Variants in SYNPO observed in about 807,000 individuals in gnomAD.
SYNPO encodes the protein synaptopodin.
A neutral mutation model predicts 49.5 loss-of-function variants in SYNPO; 19 were observed. The observed-to-expected ratio is 0.38, with a 90% CI of 0.27 to 0.56. The LOEUF (loss-of-function observed/expected upper bound fraction) is 0.56, where lower values mean the gene tolerates loss of function less well. Among genes scored for constraint, SYNPO ranks in the 20% least tolerant of loss-of-function variants. SYNPO has a pLI of 0.68. For synonymous variants in SYNPO, 536 were observed against 548.0 expected, an observed-to-expected ratio of 0.98 and a Z score of 0.31; for missense variants, 1,131 against 1,248.3, an observed-to-expected ratio of 0.91 and a Z score of 1.42.
Position 150,643,882 on chromosome 5 carries a change from A to G in SYNPO, c.-333+3028A>G, listed in dbSNP as rs1056646826. ...CTGGGGAGGCAGAACCACATCAAGA[A>G]AGCGGATGATGGCTGGACGTGGTGG... On this transcript the variant is annotated intron_variant, in intron 1 of 2. Coordinates refer to ENST00000307662, the MANE Select transcript of SYNPO (RefSeq NM_007286.6). Among the ~76,000 whole-genome samples the G allele has an allele frequency of 5.3e-5, 8 of 151,964 alleles. No individual in the cohort carries two copies. The East Asian group carries it at 1.4e-3, about 26-fold the overall frequency.
chr5:150,651,122 A>T (rs540141396), intron 2 of SYNPO: 2 of 1,076,092 alleles, frequency 1.9e-6, no homozygotes, highest in South Asian at 9.1e-5. Context: ...CCCCAGGAGA[A>T]GGAGAGCCCT....
At chr5:150,653,858 A>C (rs1247852989) in intron 2 of SYNPO, 1 of 152,064 alleles carries the variant, frequency 6.6e-6, no homozygotes, top group African/African-American at 2.4e-5. Flanking sequence ...GTCCCTAGGG[A>C]GTCTCTAAGG....
upstream of SYNPO, among the ~76,000 whole-genome samples, chr5:150,598,191 T>C (rs977561017): frequency 3.9e-5 from 6 of 151,992 alleles, no homozygotes; most frequent in African/African-American, 7.3e-5. Context: ...TCTGAGAGTT[T>C]AACCAGGACC....
intron 1 of SYNPO, chr5:150,614,867 C>A (rs1284533833): frequency 6.6e-6 from 1 of 152,244 alleles, no homozygotes. Flanking sequence ...CTGTGGGGGT[C>A]CCTGGAGTCT....
intron 1 of SYNPO, among the ~76,000 whole-genome samples, chr5:150,602,810 G>T (rs1756579698): frequency 1.3e-5 from 2 of 151,996 alleles, no homozygotes; most frequent in African/African-American, 4.8e-5. Context: ...CAGCGCGCTG[G>T]GATTACAGAC....
chr5:150,590,565 A>G, the SYNPO span, among the ~76,000 whole-genome samples: 5 of 152,294 alleles, frequency 3.3e-5, no homozygotes, highest in Middle Eastern at 3.4e-3. Context: ...ACGTCCTAGA[A>G]GTCTTTTGGG....
rs138481674 is a variant in SYNPO at position 150,643,206 on chromosome 5, G to A, written c.-333+2352G>A. The stretch of plus-strand genomic sequence containing the variant: ...GGAGCCTGGTGCTCTCTGCAGTAAC[G>A]TAGAGCCAGGTGTGAACAGAGCTCT... On this transcript the variant is annotated intron_variant, in intron 1 of 2. Coordinates refer to ENST00000307662, the MANE Select transcript of SYNPO (RefSeq NM_007286.6). Among the ~76,000 whole-genome samples the A allele has an allele frequency of 4.5e-3, 691 of 152,296 alleles. 5 individuals carry two copies. Among genetic ancestry groups the A allele is most frequent in the African/African-American group, 0.016 (655 of 41,566 alleles).
At chr5:150,593,723 G>T in the SYNPO span, among the ~76,000 whole-genome samples, 2 of 152,240 alleles carry the variant, frequency 1.3e-5, no homozygotes. Context: ...GCCTCCCAAA[G>T]TTCTGGGATT....
At chr5:150,589,281 C>G in the SYNPO span, among the ~76,000 whole-genome samples, 1 of 152,150 alleles carries the variant, frequency 6.6e-6, no homozygotes. Flanking sequence ...CCAGGCTGGT[C>G]TTGAACTCCT....
At chr5:150,591,793 A>G in the SYNPO span, among the ~76,000 whole-genome samples, 1 of 152,208 alleles carries the variant, frequency 6.6e-6, no homozygotes, top group African/African-American at 2.4e-5. Flanking sequence ...TCTCTCTGAT[A>G]AAAAGGAAGA....
chr5:150,618,285 G>A lies in SYNPO; in HGVS notation c.-83G>A, dbSNP rs1757036830. 8.3e-6 allele frequency: 12 copies of A among 1,446,090 alleles called. No homozygotes were observed. The South Asian group carries it at 1.7e-4, about 21-fold the overall frequency. 89.6% of individuals were successfully genotyped at this position (1,446,090 alleles called of 1,614,324 possible). ...GAGGCTGTGTAAGGAGCAGAGACCA[G>A]GGCTCACACAGCTGGCCCCAGCCCA... On this transcript the variant is annotated 5_prime_UTR_variant, in exon 2 of 3. Coordinates refer to the SYNPO transcript ENST00000394243.
rs569181887 is a variant in SYNPO at position 150,657,295 on chromosome 5, C to G, written c.*208C>G. On this transcript the variant is annotated 3_prime_UTR_variant, in exon 3 of 3. Transcript: ENST00000307662. ...CTGTTGTGTGACCCTGGGTAAGACC[C>G]TTCCTTGTTTGACCCTCAGCTTTCC... 6.6e-6 allele frequency: 4 copies of G among 607,598 alleles called. No individual in the cohort carries two copies. Among genetic ancestry groups the G allele is most frequent in the Admixed American group, 6.1e-5 (2 of 32,542 alleles). 37.6% of individuals were successfully genotyped at this position (607,598 alleles called of 1,614,324 possible).
exon 2 of SYNPO, chr5:150,618,288 C>T: frequency 6.9e-7 from 1 of 1,455,438 alleles, no homozygotes; most frequent in Non-Finnish European, 9.1e-7. Context: ...GAGACCAGGG[C>T]TCACACAGCT....
rs757049940 is a variant in SYNPO, at chr5:150,618,393, C to T, written c.26C>T (p.Pro9Leu). 28 of 1,551,228 alleles carry T rather than the reference C, an allele frequency of 1.8e-5. 1 individual carries two copies. In the South Asian group the frequency reaches 2.0e-4, roughly 11 times the overall value. ...ATGCTGGGTCCTCACCTCCCACCTC[C>T]GCCCCTTGCACCCAGCGAAGGGAGG... is the stretch of plus-strand genomic sequence containing the variant. The change falls in exon 2 of 3, where the codon CCG becomes CTG. Residue 9 changes from proline to leucine, a missense_variant. Coordinates refer to the SYNPO transcript ENST00000394243.
rs1231131157 is a variant in SYNPO at position 150,649,594 on chromosome 5, C to T, written c.1319C>T (p.Ala440Val). 1.2e-6 allele frequency: 2 copies of T among 1,609,838 alleles called. No homozygotes were observed. The highest frequency in any genetic ancestry group is 1.3e-5 in the African/African-American group (1 of 74,876). The change falls in exon 2 of 3, where the codon GCC becomes GTC. Residue 440 changes from alanine (A) to valine (V), a missense_variant. Transcript: ENST00000307662. ...CAGGAGCCAGCACCTCGTGACAGGG[C>T]CAGCCCCGCGGCGGCGGAGGAGGTG... ...FQQEPAPRDR[A>V]SPAAAEEVVP...
At chr5:150,611,970 G>T (rs896846233) in intron 1 of SYNPO, among the ~76,000 whole-genome samples, 2 of 152,250 alleles carry the variant, frequency 1.3e-5, no homozygotes, top group African/African-American at 4.8e-5. Flanking sequence ...AATGGAAAAT[G>T]CTGGGGTTTC....
chr5:150,611,277 C>T (rs79884527), intron 1 of SYNPO, among the ~76,000 whole-genome samples: 4,735 of 152,250 alleles, frequency 0.031, 118 homozygotes, highest in East Asian at 0.14. Context: ...TGTGTACTGC[C>T]AGCACTTAAA....
Position 150,648,425 on chromosome 5 carries a change from C to T in SYNPO, c.150C>T (p.Ala50=), listed in dbSNP as rs1758193721. 6.2e-7 allele frequency: 1 copy of T among 1,614,040 alleles called. No individual in the cohort carries two copies. The highest frequency in any genetic ancestry group is 1.3e-5 in the African/African-American group (1 of 74,890). ...NGLHLSQNRE[A]QQSSPAPPPA... is the part of the protein sequence containing the mutation. ...TGCACCTGTCCCAAAACCGAGAGGC[C>T]CAGCAGTCCTCACCGGCCCCACCTC... The change falls in exon 2 of 3, where the codon GCC becomes GCT. Residue 50 remains alanine, a synonymous_variant. Transcript: ENST00000307662. This position sits in a 1 kb window ranked among gnomAD's most constrained non-coding sequence, Gnocchi z 5.0.
rs1487387045 is a variant in SYNPO at position 150,656,404 on chromosome 5, G to A, written c.2029G>A (p.Asp677Asn). 3 of 1,528,314 alleles carry A rather than the reference G, an allele frequency of 2.0e-6. No individual in the cohort carries two copies. The highest frequency in any genetic ancestry group is 2.6e-6 in the Non-Finnish European group (3 of 1,143,594). 94.7% of individuals were successfully genotyped at this position (1,528,314 alleles called of 1,614,324 possible). ...STRNAGIEAQ[D>N]RRESLPTSPP... ...CCCACCCTCTCTGCTCTCTCCCCAG[G>A]ACCGCCGGGAGAGCCTGCCCACCTC... The change falls in exon 3 of 3, where the codon GAC (aspartate) becomes AAC (asparagine). Residue 677 changes from aspartate (D) to asparagine (N), a missense_variant and splice_region_variant. By Grantham distance (23) the Asp-to-Asn change is conservative. Around this residue, in one of 4 missense-constraint regions of SYNPO, gnomAD observed 509 missense variants for 484.5 expected, o/e 1.05. Coordinates refer to ENST00000307662, the MANE Select transcript of SYNPO (RefSeq NM_007286.6).
Sources: gnomAD v4.1 joint callset for allele counts (sites outside exome capture counted in the v4.1 genomes callset) on GRCh38, gnomAD v4.1.1 for gene constraint, gnomAD v4.1.1 regional missense constraint, Gnocchi (gnomAD v3.1) non-coding constraint, MANE v1.5 for transcripts, NCBI Gene and HGNC (gene_info 2026-07-23, HGNC 2026-07-21) for gene names.